SDHA: variants seen among roughly 807,000 people sequenced by gnomAD.
The protein encoded by SDHA is succinate dehydrogenase [ubiquinone] flavoprotein subunit, mitochondrial.
A neutral mutation model predicts 78.4 loss-of-function variants in SDHA; 48 were observed. The ratio of observed to expected loss-of-function variants is 0.61; its 90% CI spans 0.49 to 0.78. The LOEUF (loss-of-function observed/expected upper bound fraction) is 0.78. Ranked by LOEUF, SDHA falls within the 30% of genes least tolerant of loss-of-function variation. The pLI, the probability that SDHA is intolerant of heterozygous loss-of-function variation, is 0.00. For missense variants in SDHA, 680 were observed against 892.7 expected (o/e 0.76, Z 3.04); for synonymous variants, 326 against 353.9 (o/e 0.92, Z 0.88).
At chr5:236,171 C>T (rs1352043990) in intron 9 of SDHA, 3 of 489,750 alleles carry the variant, frequency 6.1e-6, no homozygotes, top group South Asian at 4.1e-5. Context: ...ATTACAGGCA[C>T]CCGCCATTAT....
At chr5:233,210 G>A (rs7724921) in intron 7 of SDHA, among the ~76,000 whole-genome samples, 112,616 of 152,092 alleles carry the variant, frequency 0.74, 42,206 homozygotes, top group African/African-American at 0.78. Context: ...TGTAATCAGA[G>A]TATTGGCCAG....
At chr5:257,804 C>T (rs1446361255), downstream of SDHA, among the ~76,000 whole-genome samples, 3 of 80,904 alleles carry the variant, frequency 3.7e-5, no homozygotes, top group Non-Finnish European at 7.0e-5. Context: ...CACCCCCTGC[C>T]AGAGCATTAC....
chr5:266,061 C>T, the SDHA span, among the ~76,000 whole-genome samples: 23 of 96,880 alleles, frequency 2.4e-4, no homozygotes, highest in Middle Eastern at 5.1e-3. Context: ...CCAGATCTTC[C>T]GGTTCAGTCC....
intron 11 of SDHA, among the ~76,000 whole-genome samples, chr5:243,417 T>C (rs1736260070): frequency 1.3e-5 from 2 of 152,180 alleles, no homozygotes; most frequent in African/African-American, 4.8e-5. Context: ...CCATTCAGCC[T>C]ACTTGCAGCG....
chr5:256,136 G>A (rs374440872), intron 14 of SDHA, among the ~76,000 whole-genome samples, 198 bp from the exon 15 acceptor site: 1 of 152,128 alleles, frequency 6.6e-6, no homozygotes, highest in African/African-American at 2.4e-5. Context: ...GGAAGTAGAT[G>A]GTTTAAACAT....
chr5:229,603 CTG>C lies in SDHA; in HGVS notation c.771-1270_771-1269del, dbSNP rs1365553817. ...TTGCCAGGGGCTGGGGGAATGCAGA[CTG>C]TGGCGATGCTGATTAAAGGTGTAAC... is the stretch of plus-strand genomic sequence containing the variant. On this transcript the variant is annotated intron_variant, in intron 6 of 14. Coordinates refer to ENST00000264932, the MANE Select transcript of SDHA (RefSeq NM_004168.4). Among the ~76,000 whole-genome samples, 5 of 152,332 alleles carry C rather than the reference CTG, an allele frequency of 3.3e-5. No homozygotes were observed. The South Asian group carries it at 6.2e-4, about 19-fold the overall frequency.
Position 218,418 on chromosome 5 carries a change from G to A in SDHA, c.63G>A (p.Ala21=), listed in dbSNP as rs587781942. The A allele has an allele frequency of 1.4e-6, 2 of 1,432,964 alleles. No homozygotes were observed. Among genetic ancestry groups the A allele is most frequent in the African/African-American group, 1.5e-5 (1 of 67,588 alleles). 88.8% of individuals were successfully genotyped at this position (1,432,964 alleles called of 1,614,324 possible). A position where few individuals can be genotyped will look rare whatever the true frequency, so the allele number is the denominator to read the frequency against. The stretch of plus-strand genomic sequence containing the variant: ...CTCGGCGCCTGGCGCTGGCCAAGGC[G>A]GTGAGTCCGTGCCGCGGACCGGGGC... ...LSARRLALAK[A]WPTVLQTGTR... Residue 21 remains alanine, a splice_region_variant and synonymous_variant, in exon 1 of 15, where the codon GCG becomes GCA. Coordinates refer to ENST00000264932, the MANE Select transcript of SDHA (RefSeq NM_004168.4).
Position 230,947 on chromosome 5 carries a change from C to G in SDHA, c.842C>G (p.Thr281Ser). 5.0e-6 allele frequency: 8 copies of G among 1,614,044 alleles called. No homozygotes were observed. Among genetic ancestry groups the G allele is most frequent in the Non-Finnish European group, 6.8e-6 (8 of 1,179,912 alleles). Residue 281 changes from threonine (T) to serine (S), a missense_variant, in exon 7 of 15, where the codon ACC (threonine) becomes AGC (serine). By Grantham distance (58) the Thr-to-Ser change is moderately conservative. Transcript: ENST00000264932. ...ACTGGCGACGGCACGGCCATGATCACCAGGGCAGGCCTTCCTTGCCAGGAC... is the reference window on the plus strand; with the variant it reads ...ACTGGCGACGGCACGGCCATGATCAGCAGGGCAGGCCTTCCTTGCCAGGAC... ...TSTGDGTAMI[T>S]RAGLPCQDLE...
In SDHA at chr5:256,884, C is replaced by T. The variant is rs1296615025; in HGVS notation, c.*464C>T. 6.7e-6 allele frequency among the ~76,000 whole-genome samples: 1 copy of T among 148,492 alleles called. No homozygotes were observed. Among genetic ancestry groups the T allele is most frequent in the Non-Finnish European group, 1.5e-5 (1 of 67,684 alleles). ...TAGTACAATCACAGCTCACTGCAGC[C>T]TCAAACTCCTGGGCAGCTCAGGTGA... On this transcript the variant is annotated 3_prime_UTR_variant, in exon 15 of 15. Coordinates refer to ENST00000264932, the MANE Select transcript of SDHA (RefSeq NM_004168.4).
rs532790412 is a variant in SDHA at position 256,244 on chromosome 5, C to G, written c.1909-90C>G. 3 of 946,394 alleles carry G rather than the reference C, an allele frequency of 3.2e-6. No homozygotes were observed. In the East Asian group the frequency reaches 7.2e-5, roughly 23 times the overall value. 58.6% of individuals were successfully genotyped at this position (946,394 alleles called of 1,614,324 possible). ...TTAAAGTTCACATGCCATAAATCTA[C>G]TTTTATAGTTAAAATTTTTCAAAAG... On this transcript the variant is annotated intron_variant, in intron 14 of 14. Coordinates refer to ENST00000264932, the MANE Select transcript of SDHA (RefSeq NM_004168.4).
At chr5:237,938 GACGCC>G (rs1735883739) in intron 10 of SDHA, among the ~76,000 whole-genome samples, 1 of 136,154 alleles carries the variant, frequency 7.3e-6, no homozygotes, top group Non-Finnish European at 1.5e-5. Flanking sequence ...CATCGTTCCT[GACGCC>G]GCAGGTAGTG....
At chr5:231,549 G>C (rs1435033725) in intron 7 of SDHA, among the ~76,000 whole-genome samples, 1 of 139,270 alleles carries the variant, frequency 7.2e-6, no homozygotes. Flanking sequence ...AACAGAGTAA[G>C]ACTCCGTCTC....
At position 255,387 on chromosome 5, in the gene SDHA, T is replaced by C. The variant is rs376497226; in HGVS notation, c.1908+881T>C. On this transcript the variant is annotated intron_variant, in intron 14 of 14. Coordinates refer to ENST00000264932, the MANE Select transcript of SDHA (RefSeq NM_004168.4). The stretch of plus-strand genomic sequence containing the variant: ...TCTCATGAAGGCCATTTCTTGATAG[T>C]GTATAGAAATCACACTTCACTCGCT... Among the ~76,000 whole-genome samples, 9 of 151,966 alleles carry C rather than the reference T, an allele frequency of 5.9e-5. No individual in the cohort carries two copies. The East Asian group carries it at 9.6e-4, about 16-fold the overall frequency.
chr5:254,361 A>G (rs1483656090), intron 13 of SDHA, 32 bp from the exon 14 acceptor site: 1 of 1,553,604 alleles, frequency 6.4e-7, no homozygotes. Context: ...CTGTTAGAGT[A>G]ATAAGAAACG....
chr5:252,645 A>G (rs1426217582), intron 13 of SDHA, among the ~76,000 whole-genome samples: 15 of 117,544 alleles, frequency 1.3e-4, no homozygotes, highest in East Asian at 4.9e-4. Context: ...ACCGTTTCAA[A>G]CCTGCCCTGT....
intron 11 of SDHA, among the ~76,000 whole-genome samples, chr5:245,946 C>G (rs1396028767): frequency 3.3e-5 from 5 of 152,094 alleles, no homozygotes; most frequent in South Asian, 2.1e-4. Context: ...CTCACTAGCC[C>G]TCGGCTATGC....
At chr5:258,875 G>T (rs1737380023), downstream of SDHA, among the ~76,000 whole-genome samples, 1 of 48,774 alleles carries the variant, frequency 2.1e-5, no homozygotes, top group Admixed American at 2.2e-4. Context: ...TCAGAGCCTT[G>T]CCGTGAGCTC....
At chr5:240,235 G>A in intron 10 of SDHA, 123 bp from the exon 11 acceptor site, 1 of 694,782 alleles carries the variant, frequency 1.4e-6, no homozygotes. Context: ...TGTTAGCTCA[G>A]GAGACTTACA....
rs575066503 is a variant in SDHA at position 219,457 on chromosome 5, G to A, written c.63+1039G>A. ...GAATAAAAATCTCAATAGGAACCAA[G>A]GCATTCAGCAATATTGATTTGAATT... On this transcript the variant is annotated intron_variant, in intron 1 of 14. Coordinates refer to ENST00000264932, the MANE Select transcript of SDHA (RefSeq NM_004168.4). 7.9e-5 allele frequency among the ~76,000 whole-genome samples: 12 copies of A among 152,332 alleles called. No individual in the cohort carries two copies. The South Asian group carries it at 2.5e-3, about 32-fold the overall frequency.
Sources: gnomAD v4.1 joint callset for allele counts (sites outside exome capture counted in the v4.1 genomes callset) on GRCh38, gnomAD v4.1.1 for gene constraint, MANE v1.5 for transcripts, NCBI Gene and HGNC (gene_info 2026-07-23, HGNC 2026-07-21) for gene names.